Variants in DGKB observed in about 807,000 individuals in gnomAD.
The protein encoded by DGKB is diacylglycerol kinase beta, also known as 90 kDa diacylglycerol kinase.
DGKB carries 67 observed loss-of-function variants against 114.3 expected under a neutral mutation model. That is an observed-to-expected ratio of 0.59 (90% CI 0.48 to 0.72). The LOEUF is 0.72. Among genes scored for constraint, DGKB ranks in the 30% least tolerant of loss-of-function variants. The probability of loss-of-function intolerance (pLI) is 0.00; values close to 1 mark genes in which losing one functional copy is unlikely to be tolerated. For missense variants in DGKB, 907 were observed against 975.2 expected (o/e 0.93, Z 0.93); for synonymous variants, 398 against 323.1 (o/e 1.23, Z -2.49).
At chr7:14,715,659 G>C (rs1382550384) in intron 6 of DGKB, among the ~76,000 whole-genome samples, 2 of 152,132 alleles carry the variant, frequency 1.3e-5, no homozygotes, top group Non-Finnish European at 2.9e-5. Flanking sequence ...AGGAAATAAA[G>C]CTGAAGACAT....
intron 21 of DGKB, among the ~76,000 whole-genome samples, chr7:14,361,484 C>T (rs190582049): frequency 1.1e-4 from 17 of 152,030 alleles, no homozygotes; most frequent in Non-Finnish European, 2.1e-4. Flanking sequence ...ACTCAGATGA[C>T]TCCCTGAAAT....
At chr7:14,860,623 C>T (rs1316877468) in intron 1 of DGKB, among the ~76,000 whole-genome samples, 3 of 151,636 alleles carry the variant, frequency 2.0e-5, no homozygotes, top group Admixed American at 6.6e-5. Context: ...TTTCAGTGGC[C>T]GAACATTTAT....
In DGKB at chr7:14,320,562, CATAT is replaced by C. The variant is rs147726764; in HGVS notation, c.2122+17949_2122+17952del. 5.5e-3 allele frequency among the ~76,000 whole-genome samples: 838 copies of C among 151,198 alleles called. 8 individuals are homozygous for C. The highest frequency in any genetic ancestry group is 0.019 in the African/African-American group (802 of 41,174). ...CGGTACATATATGTACTATATAGTA[CATAT>C]ATATATGTGTACATATATAGTACAT... On this transcript the variant is annotated intron_variant, in intron 23 of 25. Transcript: ENST00000402815.
intron 1 of DGKB, among the ~76,000 whole-genome samples, chr7:14,916,213 A>G (rs1032777644): frequency 9.9e-5 from 15 of 151,902 alleles, no homozygotes; most frequent in Admixed American, 4.6e-4. Context: ...ATAATATAAT[A>G]AAATAGAAGA....
At chr7:14,892,577 A>T (rs1374544660) in intron 1 of DGKB, among the ~76,000 whole-genome samples, 1 of 151,236 alleles carries the variant, frequency 6.6e-6, no homozygotes, top group Non-Finnish European at 1.5e-5. Context: ...TTATCATTAT[A>T]AATTCATGAT....
chr7:14,555,500 T>C lies in DGKB; in HGVS notation c.1770+18712A>G, dbSNP rs145283598. 4.2e-3 allele frequency among the ~76,000 whole-genome samples: 647 copies of C among 152,246 alleles called. 2 individuals are homozygous for C. The highest frequency in any genetic ancestry group is 6.8e-3 in the Non-Finnish European group (460 of 68,012). On this transcript the variant is annotated intron_variant, in intron 20 of 25. Coordinates refer to ENST00000402815, the MANE Select transcript of DGKB (RefSeq NM_001350709.2). ...AATTCTCAGAATCAAGGAATTAATATATAAATTAATTTGGGCAGACTTGAT... is the reference window on the plus strand; with the variant it reads ...AATTCTCAGAATCAAGGAATTAATACATAAATTAATTTGGGCAGACTTGAT...
At chr7:14,912,445 G>A (rs1430177109) in intron 1 of DGKB, among the ~76,000 whole-genome samples, 4 of 151,856 alleles carry the variant, frequency 2.6e-5, no homozygotes, top group Non-Finnish European at 5.9e-5. Context: ...AGAGGAATGA[G>A]TTCACTGGGG....
At chr7:14,603,210 A>G (rs1452190735) in intron 17 of DGKB, among the ~76,000 whole-genome samples, 1 of 152,192 alleles carries the variant, frequency 6.6e-6, no homozygotes, top group African/African-American at 2.4e-5. Flanking sequence ...AATCAGAATT[A>G]TGCTTACACA....
intron 21 of DGKB, among the ~76,000 whole-genome samples, chr7:14,391,972 C>T (rs1583601167): frequency 6.6e-6 from 1 of 152,114 alleles, no homozygotes; most frequent in Admixed American, 6.6e-5. Flanking sequence ...TTCAACATCC[C>T]TATTAAAGTT....
intron 20 of DGKB, among the ~76,000 whole-genome samples, chr7:14,520,230 G>A (rs1472867178): frequency 1.7e-5 from 1 of 59,934 alleles, no homozygotes; most frequent in Non-Finnish European, 4.0e-5. Context: ...TTTTTTTGCA[G>A]GAGGCAGCCT....
intron 4 of DGKB, among the ~76,000 whole-genome samples, chr7:14,736,835 G>C (rs1168721844): frequency 6.6e-6 from 1 of 152,158 alleles, no homozygotes; most frequent in African/African-American, 2.4e-5. Flanking sequence ...GAGAATTGTG[G>C]TGGTGTTAAG....
intron 23 of DGKB, among the ~76,000 whole-genome samples, chr7:14,230,056 C>T (rs1365734000): frequency 5.3e-5 from 8 of 151,866 alleles, no homozygotes; most frequent in African/African-American, 1.7e-4. Context: ...TTGTTGCATC[C>T]TTTTTTTCTA....
At chr7:14,593,835 AC>A (rs1408226188) in intron 17 of DGKB, among the ~76,000 whole-genome samples, 8 of 150,030 alleles carry the variant, frequency 5.3e-5, no homozygotes, top group African/African-American at 1.8e-4. Context: ...AAAGAAAAAA[AC>A]AACACAGGAG....
chr7:14,562,097 G>C (rs1199421811), intron 20 of DGKB, among the ~76,000 whole-genome samples: 3 of 152,222 alleles, frequency 2.0e-5, no homozygotes, highest in African/African-American at 7.2e-5. Flanking sequence ...CCAAGGTACA[G>C]CTCAGAATGT....
intron 23 of DGKB, among the ~76,000 whole-genome samples, chr7:14,273,304 C>T (rs1429261644): frequency 1.3e-5 from 2 of 152,020 alleles, no homozygotes; most frequent in Non-Finnish European, 2.9e-5. Context: ...CATGATCGTA[C>T]CACTGCACTG....
At chr7:14,731,421 A>G (rs1830903817) in intron 5 of DGKB, among the ~76,000 whole-genome samples, 1 of 152,198 alleles carries the variant, frequency 6.6e-6, no homozygotes, top group Admixed American at 6.5e-5. Flanking sequence ...TTGAAATGAG[A>G]AGACATTTAG....
intron 2 of DGKB, among the ~76,000 whole-genome samples, chr7:14,776,676 A>T (rs1469415821): frequency 6.6e-6 from 1 of 152,244 alleles, no homozygotes; most frequent in Non-Finnish European, 1.5e-5. Context: ...CAGAGAATGT[A>T]TGGAAATGCC....
chr7:14,190,166 A>G (rs1434040773), intron 23 of DGKB, among the ~76,000 whole-genome samples: 1 of 152,146 alleles, frequency 6.6e-6, no homozygotes, highest in Non-Finnish European at 1.5e-5. Flanking sequence ...ATAAATCTCA[A>G]CAAATGTAAG....
intron 2 of DGKB, among the ~76,000 whole-genome samples, chr7:14,784,367 CTTTTTT>C (rs1216046590): frequency 7.7e-6 from 1 of 129,214 alleles, no homozygotes; most frequent in Admixed American, 7.8e-5. Context: ...AAATTATATG[CTTTTTT>C]TTTTTTTTTT....
Sources: allele counts gnomAD v4.1 joint callset (sites outside exome capture counted in the v4.1 genomes callset), GRCh38; gene constraint gnomAD v4.1.1; transcripts MANE v1.5; gene names NCBI Gene and HGNC (gene_info 2026-07-23, HGNC 2026-07-21).